Variants in HPSE2 observed in about 807,000 individuals in gnomAD.
The protein encoded by HPSE2 is inactive heparanase-2.
Under a neutral mutation model 60.5 loss-of-function variants are expected in HPSE2, and 38 were observed. The observed-to-expected ratio is 0.63, with a 90% CI of 0.48 to 0.82. HPSE2 has a LOEUF of 0.82. HPSE2 is among the 40% of genes least tolerant of loss of function. The pLI, the probability that HPSE2 is intolerant of heterozygous loss-of-function variation, is 0.00. For missense variants in HPSE2, 713 were observed against 740.4 expected, an observed-to-expected ratio of 0.96 and a Z score of 0.43; for synonymous variants, 295 against 293.2, an observed-to-expected ratio of 1.01 and a Z score of -0.06.
chr10:98,580,982 C>T (rs1342457637), intron 9 of HPSE2, among the ~76,000 whole-genome samples: 1 of 150,304 alleles, frequency 6.7e-6, no homozygotes, highest in Non-Finnish European at 1.5e-5. Context: ...GTTCTGTAGC[C>T]CAGGCTGGAG....
At chr10:98,847,455 A>T (rs545240779) in intron 3 of HPSE2, among the ~76,000 whole-genome samples, 1 of 152,278 alleles carries the variant, frequency 6.6e-6, no homozygotes, top group African/African-American at 2.4e-5. Flanking sequence ...CTGGAATTGA[A>T]CTCAAATTTG....
intron 4 of HPSE2, among the ~76,000 whole-genome samples, chr10:98,738,746 G>A (rs963390043): frequency 6.6e-6 from 1 of 152,216 alleles, no homozygotes; most frequent in Non-Finnish European, 1.5e-5. Context: ...GGTCATTAGA[G>A]AAATGCAAAT....
chr10:98,691,663 T>A, intron 6 of HPSE2, among the ~76,000 whole-genome samples: 1 of 152,206 alleles, frequency 6.6e-6, no homozygotes, highest in Non-Finnish European at 1.5e-5. Context: ...AGAGTTTCAG[T>A]AAAGGGACAT....
intron 3 of HPSE2, among the ~76,000 whole-genome samples, chr10:98,746,884 T>A (rs1949642986): frequency 6.6e-6 from 1 of 151,912 alleles, no homozygotes; most frequent in Non-Finnish European, 1.5e-5. Flanking sequence ...ATGCAAAAAA[T>A]AAATAGGTTA....
chr10:98,590,286 C>CA (rs1945053256), intron 9 of HPSE2, among the ~76,000 whole-genome samples: 1 of 152,074 alleles, frequency 6.6e-6, no homozygotes, highest in African/African-American at 2.4e-5. Flanking sequence ...ACTAAAAATA[C>CA]AAAAAAATTA....
At chr10:99,304,482 T>G in the HPSE2 span, among the ~76,000 whole-genome samples, 3 of 152,392 alleles carry the variant, frequency 2.0e-5, no homozygotes, top group Non-Finnish European at 4.4e-5. Context: ...ACCTCTGGCT[T>G]GCCCTTGAAT....
At chr10:98,493,179 A>T (rs1462840943) in intron 9 of HPSE2, among the ~76,000 whole-genome samples, 13 of 152,216 alleles carry the variant, frequency 8.5e-5, no homozygotes, top group Admixed American at 8.5e-4. Flanking sequence ...ATAATATTCC[A>T]TTGCATTTGT....
At chr10:98,778,170 C>G (rs1950381940) in intron 3 of HPSE2, among the ~76,000 whole-genome samples, 1 of 150,782 alleles carries the variant, frequency 6.6e-6, no homozygotes, top group Admixed American at 6.6e-5. Context: ...CATGAAATAA[C>G]AGAATAATTT....
intron 3 of HPSE2, among the ~76,000 whole-genome samples, chr10:99,022,038 C>T (rs1957275115): frequency 2.0e-5 from 2 of 101,956 alleles, no homozygotes; most frequent in South Asian, 4.1e-4. Context: ...CTATCCCTCC[C>T]CCCTCCCCCC....
chr10:99,238,750 T>A (rs576491246), upstream of HPSE2, among the ~76,000 whole-genome samples: 7 of 152,350 alleles, frequency 4.6e-5, no homozygotes, highest in African/African-American at 1.7e-4. Flanking sequence ...TAGTAATCAG[T>A]ATATTAGATT....
chr10:98,492,538 A>G (rs1941693082), intron 9 of HPSE2, among the ~76,000 whole-genome samples: 1 of 151,516 alleles, frequency 6.6e-6, no homozygotes, highest in Non-Finnish European at 1.5e-5. Context: ...AAAAGAAAAG[A>G]GATATTATGT....
rs1565210169 is a variant in HPSE2 at position 98,852,127 on chromosome 10, G to GTGTGTGTGTT, written c.611-108072_611-108071insAACACACACA. 3.2e-3 allele frequency among the ~76,000 whole-genome samples: 425 copies of GTGTGTGTGTT among 132,756 alleles called. 4 individuals carry two copies. The highest frequency in any genetic ancestry group is 5.4e-3 in the Non-Finnish European group (339 of 62,350). 87.1% of individuals were successfully genotyped at this position (132,756 alleles called of 152,430 possible). ...TGTATATTATGATGTGTGTGTGTGTGTGTGTGTGTGTGTGTGTGTGTGTGT... is the reference window on the plus strand; with the variant it reads ...TGTATATTATGATGTGTGTGTGTGTGTGTGTGTGTTTGTGTGTGTGTGTGTGTGTGTGTGT... On this transcript the variant is annotated intron_variant, in intron 3 of 11. Transcript: ENST00000370552.
At chr10:99,109,918 A>T (rs1844394476) in intron 3 of HPSE2, among the ~76,000 whole-genome samples, 1 of 152,174 alleles carries the variant, frequency 6.6e-6, no homozygotes, top group African/African-American at 2.4e-5. Flanking sequence ...CATATGAAGG[A>T]TCAAGAAATA....
At chr10:99,168,955 G>A (rs1192396467) in intron 2 of HPSE2, among the ~76,000 whole-genome samples, 1 of 152,136 alleles carries the variant, frequency 6.6e-6, no homozygotes, top group Non-Finnish European at 1.5e-5. Flanking sequence ...AGCACTTTGG[G>A]AGGCCAAGGC....
At chr10:98,516,699 T>A (rs1942613334) in intron 9 of HPSE2, among the ~76,000 whole-genome samples, 1 of 152,156 alleles carries the variant, frequency 6.6e-6, no homozygotes, top group African/African-American at 2.4e-5. Flanking sequence ...CGCTTCTCTC[T>A]CACCTGAATT....
chr10:98,599,485 G>A (rs1945338374), intron 9 of HPSE2, among the ~76,000 whole-genome samples: 1 of 152,184 alleles, frequency 6.6e-6, no homozygotes, highest in Non-Finnish European at 1.5e-5. Flanking sequence ...GTGACGTCTT[G>A]ACTGGTGCAG....
At chr10:99,009,159 TC>T (rs1406535032) in intron 3 of HPSE2, among the ~76,000 whole-genome samples, 3 of 142,708 alleles carry the variant, frequency 2.1e-5, no homozygotes, top group Non-Finnish European at 4.5e-5. Flanking sequence ...ATCCCAGCAC[TC>T]TGGAAAGCTG....
chr10:99,211,218 A>T (rs1466961239), intron 2 of HPSE2, among the ~76,000 whole-genome samples: 2 of 152,164 alleles, frequency 1.3e-5, no homozygotes, highest in East Asian at 3.8e-4. Flanking sequence ...CAGGTAAAAG[A>T]CTCGTACACA....
intron 9 of HPSE2, among the ~76,000 whole-genome samples, chr10:98,606,454 C>T (rs966373627): frequency 2.6e-5 from 4 of 152,142 alleles, no homozygotes; most frequent in African/African-American, 9.7e-5. Context: ...TAAGAAGCTC[C>T]CGAGGTGACT....
Sources: allele counts gnomAD v4.1 joint callset (sites outside exome capture counted in the v4.1 genomes callset), GRCh38; gene constraint gnomAD v4.1.1; transcripts MANE v1.5; gene names NCBI Gene and HGNC (gene_info 2026-07-23, HGNC 2026-07-21).